The following TRPC6 variants were observed in gnomAD, a reference collection of about 807,000 sequenced individuals.
TRPC6 encodes the protein transient receptor potential cation channel subfamily C member 6.
In TRPC6, 55 loss-of-function variants were observed where a neutral mutation model predicts 90.7. The observed-to-expected ratio is 0.61, with a 90% CI of 0.49 to 0.76. TRPC6 has a LOEUF of 0.76. Ranked by LOEUF, TRPC6 falls within the 30% of genes least tolerant of loss-of-function variation. The pLI is 0.00. For missense variants in TRPC6, 989 were observed against 1,122.7 expected (o/e 0.88, Z 1.70); for synonymous variants, 393 against 393.0 (o/e 1.00, Z 0.00).
intron 1 of TRPC6, among the ~76,000 whole-genome samples, chr11:101,535,395 TA>T (rs879822338): frequency 2.4e-3 from 121 of 49,860 alleles, no homozygotes; most frequent in Non-Finnish European, 5.7e-3. Context: ...ATCTTATTAT[TA>T]TTTTTTTTTT....
intron 2 of TRPC6, among the ~76,000 whole-genome samples, chr11:101,497,552 C>T (rs1410790250): frequency 6.6e-6 from 1 of 152,146 alleles, no homozygotes; most frequent in African/African-American, 2.4e-5. Flanking sequence ...GTGTCAGCAG[C>T]AGAGGCATCT....
intron 7 of TRPC6, among the ~76,000 whole-genome samples, chr11:101,472,687 C>T (rs774319421): frequency 1.7e-4 from 26 of 152,092 alleles, no homozygotes; most frequent in Admixed American, 5.2e-4. Flanking sequence ...TATACTTCTA[C>T]TCATATCCAA....
intron 10 of TRPC6, among the ~76,000 whole-genome samples, chr11:101,462,977 C>T (rs762772038): frequency 8.5e-5 from 13 of 152,068 alleles, no homozygotes; most frequent in Admixed American, 7.2e-4. Context: ...TTTTAAGATA[C>T]GTCCCATCAA....
intron 1 of TRPC6, 191 bp downstream of exon 1, chr11:101,583,143 C>A: frequency 7.1e-6 from 7 of 984,180 alleles, no homozygotes; most frequent in Non-Finnish European, 8.4e-6. Context: ...ACAACCCCGC[C>A]TCCCCCACTC....
At chr11:101,460,188 C>T (rs562155047) in intron 10 of TRPC6, among the ~76,000 whole-genome samples, 4 of 152,196 alleles carry the variant, frequency 2.6e-5, no homozygotes, top group South Asian at 2.1e-4. Context: ...ATATGTTATA[C>T]GTAGTCAACT....
intron 10 of TRPC6, chr11:101,455,369 C>A: frequency 2.7e-6 from 1 of 371,212 alleles, no homozygotes; most frequent in Non-Finnish European, 5.0e-6. Flanking sequence ...GAGAATCACG[C>A]GTTAACCTTC....
At position 101,535,233 on chromosome 11, in the gene TRPC6, A is replaced by AG. The variant is rs1263119054; in HGVS notation, c.171-30436dup. Among the ~76,000 whole-genome samples, 191 of 85,960 alleles carry AG rather than the reference A, an allele frequency of 2.2e-3. 1 individual carries two copies. The highest frequency in any genetic ancestry group is 5.6e-3 in the African/African-American group (170 of 30,610). 56.4% of individuals were successfully genotyped at this position (85,960 alleles called of 152,430 possible). ...AAGGAAGGAAGGAAGGAAGGAAGGA[A>AG]GAAAACACAAAGCATTTGAGGAGAC... is the stretch of plus-strand genomic sequence containing the variant. On this transcript the variant is annotated intron_variant, in intron 1 of 12. Transcript: ENST00000344327.
intron 1 of TRPC6, 47 bp downstream of exon 1, chr11:101,583,287 C>T (rs1162407573): frequency 6.5e-7 from 1 of 1,539,920 alleles, no homozygotes; most frequent in Non-Finnish European, 8.7e-7. Flanking sequence ...GCACAACCTC[C>T]CTCCGCGCAG....
At chr11:101,479,700 G>A (rs1463088271) in intron 5 of TRPC6, among the ~76,000 whole-genome samples, 1 of 152,122 alleles carries the variant, frequency 6.6e-6, no homozygotes, top group Non-Finnish European at 1.5e-5. Context: ...AAAAGCATCA[G>A]CTATCCTGAG....
At chr11:101,545,353 AAAT>A (rs1861278103) in intron 1 of TRPC6, among the ~76,000 whole-genome samples, 1 of 152,182 alleles carries the variant, frequency 6.6e-6, no homozygotes, top group Admixed American at 6.5e-5. Context: ...GGTTATATGA[AAAT>A]ACTACCCCAT....
chr11:101,456,685 A>G (rs977844219), intron 10 of TRPC6, among the ~76,000 whole-genome samples: 3 of 152,170 alleles, frequency 2.0e-5, no homozygotes, highest in African/African-American at 4.8e-5. Context: ...CCAACCAAAC[A>G]TATCTGTAGG....
chr11:101,581,357 A>G (rs1455435271), intron 1 of TRPC6, among the ~76,000 whole-genome samples: 3 of 152,252 alleles, frequency 2.0e-5, no homozygotes, highest in Non-Finnish European at 4.4e-5. Flanking sequence ...ACATTTGAAG[A>G]AAGCACTGGG....
At position 101,473,786 on chromosome 11, in the gene TRPC6, A is replaced by G; in HGVS notation, c.1745-13T>C. 6.2e-7 allele frequency: 1 copy of G among 1,613,500 alleles called. No individual in the cohort carries two copies. The highest frequency in any genetic ancestry group is 8.5e-7 in the Non-Finnish European group (1 of 1,179,586). On this transcript the variant is annotated splice_polypyrimidine_tract_variant and intron_variant, in intron 6 of 12. Coordinates refer to ENST00000344327, the MANE Select transcript of TRPC6 (RefSeq NM_004621.6). Reference sequence around the variant, plus strand: ...CACTTTATCCTGGCTAGGAAAAAGCAAAGACAAAGAGTTGTGTGAGTTTCT... The same window carrying G: ...CACTTTATCCTGGCTAGGAAAAAGCGAAGACAAAGAGTTGTGTGAGTTTCT...
chr11:101,564,082 A>G (rs1164306917), intron 1 of TRPC6, among the ~76,000 whole-genome samples: 1 of 152,150 alleles, frequency 6.6e-6, no homozygotes, highest in Non-Finnish European at 1.5e-5. Context: ...AAAAAAAAAA[A>G]AGACTGACAT....
chr11:101,540,439 T>G (rs1287918769), intron 1 of TRPC6, among the ~76,000 whole-genome samples: 1 of 152,246 alleles, frequency 6.6e-6, no homozygotes, highest in East Asian at 1.9e-4. Context: ...CAGCGTATTT[T>G]TAAAGTATTT....
rs1331225103 is a variant in TRPC6 at position 101,453,649 on chromosome 11, C to G, written c.2644+1G>C. 4 of 1,613,784 alleles carry G rather than the reference C, an allele frequency of 2.5e-6. No homozygotes were observed. Among genetic ancestry groups the G allele is most frequent in the Non-Finnish European group, 3.4e-6 (4 of 1,179,856 alleles). On this transcript the variant is annotated splice_donor_variant, in intron 12 of 12. Coordinates refer to ENST00000344327, the MANE Select transcript of TRPC6 (RefSeq NM_004621.6). LOFTEE classifies it high-confidence loss of function. ...CTGATTTGCTTCTGCGTTCAACTCA[C>G]CTTCGTTCACTTCATCACTCTCCTT...
chr11:101,505,463 G>T (rs1028521639), intron 1 of TRPC6, among the ~76,000 whole-genome samples: 2 of 152,172 alleles, frequency 1.3e-5, no homozygotes, highest in African/African-American at 4.8e-5. Context: ...GTAGAAGTCA[G>T]GTGAGAGTGT....
rs142846272 is a variant in TRPC6, at chr11:101,480,540, G to A, written c.1510+2409C>T. 8.8e-3 allele frequency among the ~76,000 whole-genome samples: 1,338 copies of A among 151,774 alleles called. 10 individuals are homozygous for A. The highest frequency in any genetic ancestry group is 0.031 in the African/African-American group (1,274 of 41,414). ...CTTTACCATAAATCATTCTCTTCATGCCCCTTTATATAAAATTTAATTTTT... is the reference window on the plus strand; with the variant it reads ...CTTTACCATAAATCATTCTCTTCATACCCCTTTATATAAAATTTAATTTTT... On this transcript the variant is annotated intron_variant, in intron 5 of 12. Transcript: ENST00000344327.
intron 1 of TRPC6, among the ~76,000 whole-genome samples, chr11:101,579,185 A>C (rs10895148): frequency 6.6e-6 from 1 of 152,006 alleles, no homozygotes; most frequent in African/African-American, 2.4e-5. Flanking sequence ...ATTATCATCA[A>C]TTATGTTCTA....
Sources: allele counts gnomAD v4.1 joint callset (sites outside exome capture counted in the v4.1 genomes callset), GRCh38; gene constraint gnomAD v4.1.1; transcripts MANE v1.5; gene names NCBI Gene and HGNC (gene_info 2026-07-23, HGNC 2026-07-21).